Variants in BRI3 observed in about 807,000 individuals in gnomAD.
BRI3 encodes membrane protein BRI3.
In BRI3, 6 loss-of-function variants were observed where a neutral mutation model predicts 12.8. The ratio of observed to expected loss-of-function variants is 0.47; its 90% CI spans 0.26 to 0.93. The LOEUF (loss-of-function observed/expected upper bound fraction) is 0.93. Among genes scored for constraint, BRI3 ranks in the 40% least tolerant of loss-of-function variants. The pLI, the probability that BRI3 is intolerant of heterozygous loss-of-function variation, is 0.15. For synonymous variants in BRI3, 91 were observed against 76.1 expected (o/e 1.20, Z -1.02); for missense variants, 134 against 171.1 (o/e 0.78, Z 1.21).
chr7:98,312,187 G>T (rs947002195), downstream of BRI3: 1 of 1,614,130 alleles, frequency 6.2e-7, no homozygotes, highest in East Asian at 2.2e-5. Context: ...TCATATTCAT[G>T]ATTTTCTCTG....
upstream of BRI3, among the ~76,000 whole-genome samples, chr7:98,302,973 A>G (rs1203808508): frequency 1.3e-5 from 2 of 152,066 alleles, no homozygotes; most frequent in Non-Finnish European, 2.9e-5. Flanking sequence ...TTTTGTCTAC[A>G]TAGGGTTTTG....
intron 2 of BRI3, 86 bp from the exon 3 acceptor site, chr7:98,291,025 G>A (rs963546219): frequency 1.3e-5 from 19 of 1,506,134 alleles, no homozygotes; most frequent in Non-Finnish European, 5.5e-6. Context: ...CCACTGGTTG[G>A]TTATTGAATG....
At chr7:98,319,960 C>T in the BRI3 span, 1 of 955,796 alleles carries the variant, frequency 1.0e-6, no homozygotes, top group Non-Finnish European at 1.6e-6. Context: ...AGCTTCTCTC[C>T]TGTCTGCTGC....
rs772669474 is a variant in BRI3, at chr7:98,282,391, C to T, written c.183C>T (p.Ser61=). ...ATCCCAGGGTCTACAACATCCACAG[C>T]CGGACCGTCACCCGCTATCCTGCCA... ...THHPRVYNIH[S]RTVTRYPANS... The change falls in exon 2 of 3, where the codon AGC becomes AGT. Residue 61 remains serine, a synonymous_variant. Transcript: ENST00000297290. The T allele has an allele frequency of 5.6e-6, 9 of 1,614,010 alleles. No homozygotes were observed. The highest frequency in any genetic ancestry group is 7.6e-6 in the Non-Finnish European group (9 of 1,180,004).
chr7:98,294,068 G>A (rs779560885), downstream of BRI3: 16 of 1,613,740 alleles, frequency 9.9e-6, no homozygotes, highest in East Asian at 2.2e-5. Flanking sequence ...AGGAAGCCAC[G>A]CCTACCTGAG....
At chr7:98,293,150 C>A, downstream of BRI3, 1 of 318,498 alleles carries the variant, frequency 3.1e-6, no homozygotes, top group Admixed American at 5.3e-5. Context: ...AAACTGGTCT[C>A]ATTCATATCA....
At chr7:98,291,010 C>A in intron 2 of BRI3, 101 bp from the exon 3 acceptor site, 1 of 1,375,128 alleles carries the variant, frequency 7.3e-7, no homozygotes, top group Non-Finnish European at 1.0e-6. Flanking sequence ...CCATGTGACT[C>A]ATGGCCACTG....
At chr7:98,301,493 A>ATATATT (rs762603062) in intron 1 of BRI3, among the ~76,000 whole-genome samples, 4 of 149,250 alleles carry the variant, frequency 2.7e-5, no homozygotes, top group Non-Finnish European at 5.9e-5. Flanking sequence ...ATATATATAT[A>ATATATT]TTTTAAGTGG....
chr7:98,281,799 G>A lies in BRI3; in HGVS notation c.4G>A (p.Asp2Asn). 2 of 1,197,098 alleles carry A rather than the reference G, an allele frequency of 1.7e-6. No homozygotes were observed. The highest frequency in any genetic ancestry group is 2.1e-6 in the Non-Finnish European group (2 of 963,798). 74.2% of individuals were successfully genotyped at this position (1,197,098 alleles called of 1,614,324 possible). A position where few individuals can be genotyped will look rare whatever the true frequency, so the allele number is the denominator to read the frequency against. The change falls in exon 1 of 3, where the codon GAC (aspartate) becomes AAC (asparagine). Residue 2 changes from aspartate (D) to asparagine (N), a missense_variant. Coordinates refer to ENST00000297290, the MANE Select transcript of BRI3 (RefSeq NM_015379.5). Reference protein sequence around the residue: MDHKPLLQERPP... With the variant: MNHKPLLQERPP... ...CGGCGGGCGCGGCCGGGCCGCCATG[G>A]ACCACAAGCCGCTGCTGCAGGAGCG...
intron 2 of BRI3, among the ~76,000 whole-genome samples, chr7:98,290,687 C>G (rs1419923034): frequency 6.6e-6 from 1 of 151,838 alleles, no homozygotes; most frequent in African/African-American, 2.4e-5. Context: ...TTAGTAGAGA[C>G]AGGGTTTCAC....
intron 1 of BRI3, among the ~76,000 whole-genome samples, chr7:98,301,389 T>A (rs1454527097): frequency 6.6e-6 from 1 of 151,884 alleles, no homozygotes; most frequent in Non-Finnish European, 1.5e-5. Context: ...ATGAGGTATC[T>A]GGGGCTTTTG....
the BRI3 span, among the ~76,000 whole-genome samples, chr7:98,318,992 A>G: frequency 6.6e-6 from 1 of 151,704 alleles, no homozygotes. Flanking sequence ...GAGTTTCTGA[A>G]GGCATAGCAA....
downstream of BRI3, among the ~76,000 whole-genome samples, chr7:98,313,643 G>A (rs1391497280): frequency 1.3e-5 from 2 of 152,044 alleles, no homozygotes; most frequent in African/African-American, 4.8e-5. Context: ...TTTGAGAGAG[G>A]ATTTTGGCTC....
intron 2 of BRI3, among the ~76,000 whole-genome samples, chr7:98,290,309 C>G (rs1383448654): frequency 3.3e-5 from 5 of 151,326 alleles, no homozygotes; most frequent in Non-Finnish European, 7.4e-5. Flanking sequence ...CATTCTCCTG[C>G]CTCAGCCTCC....
At chr7:98,317,246 T>C in the BRI3 span, 1 of 1,614,128 alleles carries the variant, frequency 6.2e-7, no homozygotes, top group Non-Finnish European at 8.5e-7. Context: ...CATATTTGAG[T>C]GCGTTTCGGC....
At chr7:98,319,548 CTT>C in the BRI3 span, among the ~76,000 whole-genome samples, 10 of 138,494 alleles carry the variant, frequency 7.2e-5, no homozygotes, top group East Asian at 2.1e-4. Flanking sequence ...TTTCCTATGC[CTT>C]TTTTTTTTTT....
chr7:98,304,599 G>A (rs7802794), upstream of BRI3, among the ~76,000 whole-genome samples: 1 of 151,902 alleles, frequency 6.6e-6, no homozygotes, highest in African/African-American at 2.4e-5. Flanking sequence ...CCAGGCTGGA[G>A]TGCAATGACA....
chr7:98,293,345 A>T, downstream of BRI3: 1 of 590,440 alleles, frequency 1.7e-6, no homozygotes, highest in South Asian at 2.3e-5. Flanking sequence ...TCTTAAAGGC[A>T]GAAACTTGTC....
chr7:98,311,587 A>C (rs907839536), downstream of BRI3, among the ~76,000 whole-genome samples: 1 of 151,686 alleles, frequency 6.6e-6, no homozygotes, highest in Non-Finnish European at 1.5e-5. Flanking sequence ...AAATTTCCAA[A>C]ACAAAGATAA....
Sources: allele counts gnomAD v4.1 joint callset (sites outside exome capture counted in the v4.1 genomes callset), GRCh38; gene constraint gnomAD v4.1.1; transcripts MANE v1.5; gene names NCBI Gene and HGNC (gene_info 2026-07-23, HGNC 2026-07-21).